TNFRSF25: variants seen among roughly 807,000 people sequenced by gnomAD.
TNFRSF25 encodes TNF receptor superfamily member 25.
In TNFRSF25, 28 loss-of-function variants were observed where a neutral mutation model predicts 49.4. That is an observed-to-expected ratio of 0.57 (90% CI 0.42 to 0.78). The LOEUF (loss-of-function observed/expected upper bound fraction) is 0.78. Ranked by LOEUF, TNFRSF25 falls within the 30% of genes least tolerant of loss-of-function variation. The pLI is 0.00. For synonymous variants in TNFRSF25, 240 were observed against 234.2 expected, an observed-to-expected ratio of 1.02 and a Z score of -0.23; for missense variants, 531 against 581.6, an observed-to-expected ratio of 0.91 and a Z score of 0.90.
chr1:6,464,018 G>T, intron 5 of TNFRSF25: 1 of 739,694 alleles, frequency 1.4e-6, no homozygotes, highest in Non-Finnish European at 1.7e-6. Context: ...AGGCTGAAGT[G>T]CAGTGGCACG....
rs944710666 is a variant in TNFRSF25 at position 6,461,286 on chromosome 1, G to A, written c.*148C>T. ...CTTCGCCTTGGCTGGAGCGATAGGGGCGAGCAGGGGTGGGGCCGGCTGGTG... is the reference window on the plus strand; with the variant it reads ...CTTCGCCTTGGCTGGAGCGATAGGGACGAGCAGGGGTGGGGCCGGCTGGTG... On this transcript the variant is annotated 3_prime_UTR_variant, in exon 10 of 10. Transcript: ENST00000356876. The surrounding 1 kb of genome is among the most constrained non-coding windows in gnomAD (Gnocchi z 6.3). 4.3e-5 allele frequency: 43 copies of A among 1,004,016 alleles called. No homozygotes were observed. The highest frequency in any genetic ancestry group is 4.0e-4 in the Middle Eastern group (2 of 4,972). 62.2% of individuals were successfully genotyped at this position (1,004,016 alleles called of 1,614,324 possible). A position where few individuals can be genotyped will look rare whatever the true frequency, so the allele number is the denominator to read the frequency against.
rs1485033617 is a variant in TNFRSF25 at position 6,465,580 on chromosome 1, G to T, written c.40-20C>A. The T allele has an allele frequency of 1.9e-6, 3 of 1,608,476 alleles. No homozygotes were observed. The highest frequency in any genetic ancestry group is 2.5e-6 in the Non-Finnish European group (3 of 1,177,584). ...GAGCGCCTGGGGGACAGGTGCTGCT[G>T]ACTCTCAGCGCAGCTGCCCACGTGG... On this transcript the variant is annotated intron_variant, in intron 1 of 9. Coordinates refer to ENST00000356876, the MANE Select transcript of TNFRSF25 (RefSeq NM_003790.3).
In TNFRSF25 at chr1:6,462,022, G is replaced by T; in HGVS notation, c.897C>A (p.Ser299=). The T allele has an allele frequency of 1.2e-6, 2 of 1,612,520 alleles. No individual in the cohort carries two copies. The highest frequency in any genetic ancestry group is 1.7e-6 in the Non-Finnish European group (2 of 1,179,644). The change falls in exon 9 of 10, where the codon TCC becomes TCA. Residue 299 remains serine (S), a synonymous_variant. Transcript: ENST00000356876. This position sits in a 1 kb window ranked among gnomAD's most constrained non-coding sequence, Gnocchi z 4.2. ...GAGCTCTGCTGGGCAACTGGTCCCA[G>T]GACCATGTCACCTGCGGGCAGAGCG... ...QEALCPQVTW[S]WDQLPSRALG... is the part of the protein sequence containing the mutation.
chr1:6,462,451 C>T lies in TNFRSF25; in HGVS notation c.744+178G>A. ...GTGTACGAATCTGAACTCCAGCTGA[C>T]TGAGCACCCCTTGAGGGCAGGCACT... is the stretch of plus-strand genomic sequence containing the variant. On this transcript the variant is annotated intron_variant, in intron 8 of 9. Coordinates refer to ENST00000356876, the MANE Select transcript of TNFRSF25 (RefSeq NM_003790.3). The surrounding 1 kb of genome is among the most constrained non-coding windows in gnomAD (Gnocchi z 4.2). 2.8e-6 allele frequency: 4 copies of T among 1,434,092 alleles called. No homozygotes were observed. The highest frequency in any genetic ancestry group is 3.7e-6 in the Non-Finnish European group (4 of 1,082,890). The allele number at this position is 1,434,092 out of a possible 1,614,324, so 88.8% of individuals were successfully genotyped here.
Position 6,463,102 on chromosome 1 carries a change from G to T in TNFRSF25, c.568C>A (p.Arg190Ser), listed in dbSNP as rs1421688107. 1 of 1,551,710 alleles carries T rather than the reference G, an allele frequency of 6.4e-7. No individual in the cohort carries two copies. Among genetic ancestry groups the T allele is most frequent in the African/African-American group, 1.4e-5 (1 of 73,152 alleles). Residue 190 changes from arginine (R) to serine (S), a missense_variant, in exon 6 of 10, where the codon CGC becomes AGC. By Grantham distance (110) the Arg-to-Ser change is moderately radical (BLOSUM62 -1). Coordinates refer to ENST00000356876, the MANE Select transcript of TNFRSF25 (RefSeq NM_003790.3). ...PTSTLGSCPE[R>S]CAAVCGWRQM... ...CTCCAGCCACAGACAGCGGCACAGC[G>T]CTCTGGACAGCTCCCCAGGGTGCTC...
At position 6,465,167 on chromosome 1, in the gene TNFRSF25, C is replaced by T. The variant is rs1644308323; in HGVS notation, c.216G>A (p.Val72=). 1 of 1,613,834 alleles carries T rather than the reference C, an allele frequency of 6.2e-7. No homozygotes were observed. The highest frequency in any genetic ancestry group is 1.3e-5 in the African/African-American group (1 of 75,044). ...AGGCCAAGAAGGTGTCTTGGGGACA[C>T]ACAAGGCAGGTGGAGTTGCCGCAGG... The part of the protein sequence containing the change: ...TEPCGNSTCL[V]CPQDTFLAWE... Residue 72 remains valine (V), a synonymous_variant, in exon 3 of 10, where the codon GTG becomes GTA. Transcript: ENST00000356876.
At chr1:6,466,039 C>T in intron 1 of TNFRSF25, 30 bp downstream of exon 1, 1 of 1,575,344 alleles carries the variant, frequency 6.3e-7, no homozygotes, top group Non-Finnish European at 8.6e-7. Context: ...GGGCTCAAAG[C>T]TGCCCCTAGC....
chr1:6,461,435 C>A lies in TNFRSF25; in HGVS notation c.1253G>T (p.Ter418LeuextTer25). The A allele has an allele frequency of 6.6e-7, 1 of 1,504,566 alleles. No homozygotes were observed. The highest frequency in any genetic ancestry group is 1.3e-5 in the South Asian group (1 of 76,772). The allele number at this position is 1,504,566 out of a possible 1,614,324, so 93.2% of individuals were successfully genotyped here. The change falls in exon 10 of 10, where the codon TGA becomes TTA. Residue 418 changes from the stop codon to leucine (L), a stop_lost. Coordinates refer to ENST00000356876, the MANE Select transcript of TNFRSF25 (RefSeq NM_003790.3). This position sits in a 1 kb window ranked among gnomAD's most constrained non-coding sequence, Gnocchi z 6.3. ...CCTAGGTGGCAAGTGGGCGCCGTGT[C>A]ACGGGCCGCGCTGCAGGCGGCTGCG... Reference protein sequence around the residue: ...DLRSRLQRGP* With the variant: ...DLRSRLQRGPL
chr1:6,464,632 C>T lies in TNFRSF25; in HGVS notation c.383G>A (p.Ser128Asn). 1 of 1,614,064 alleles carries T rather than the reference C, an allele frequency of 6.2e-7. No homozygotes were observed. Among genetic ancestry groups the T allele is most frequent in the Non-Finnish European group, 8.5e-7 (1 of 1,180,012 alleles). The change falls in exon 4 of 10, where the codon AGC becomes AAC. Residue 128 changes from serine (S) to asparagine (N), a missense_variant. Physicochemically the swap from Ser to Asn is conservative, Grantham distance 46. Coordinates refer to ENST00000356876, the MANE Select transcript of TNFRSF25 (RefSeq NM_003790.3). The part of the protein sequence containing the change: ...KPGWFVECQV[S>N]QCVSSSPFYC... ...GAAGGGTGAACTGCTGACACATTGG[C>T]TGACCTGGCACTCCACAAACCAGCC...
At position 6,466,122 on chromosome 1, in the gene TNFRSF25, C is replaced by T. The variant is rs767520512; in HGVS notation, c.-15G>A. 3 of 1,510,608 alleles carry T rather than the reference C, an allele frequency of 2.0e-6. No homozygotes were observed. Among genetic ancestry groups the T allele is most frequent in the Admixed American group, 2.2e-5 (1 of 46,182 alleles). 93.6% of individuals were successfully genotyped at this position (1,510,608 alleles called of 1,614,324 possible). ...CGCTGCTCCATAGCCCTCCGACGGGCGCCCAGGGGCTTCCCGGCTCCGTGC... is the reference window on the plus strand; with the variant it reads ...CGCTGCTCCATAGCCCTCCGACGGGTGCCCAGGGGCTTCCCGGCTCCGTGC... On this transcript the variant is annotated 5_prime_UTR_variant, in exon 1 of 10. Transcript: ENST00000356876.
At chr1:6,463,006 C>T (rs1302734309) in intron 6 of TNFRSF25, 36 bp from the exon 7 acceptor site, 5 of 1,558,370 alleles carry the variant, frequency 3.2e-6, no homozygotes, top group Non-Finnish European at 3.5e-6. Flanking sequence ...TGGTTGCCCC[C>T]CTCCTCACCC....
chr1:6,463,041 C>T, intron 6 of TNFRSF25, 31 bp downstream of exon 6: 8 of 1,552,520 alleles, frequency 5.2e-6, no homozygotes, highest in Non-Finnish European at 7.0e-6. Context: ...CATCCCAGTT[C>T]TCCCACTCGC....
At chr1:6,463,464 T>C (rs2986757) in intron 5 of TNFRSF25, 5,481 of 308,916 alleles carry the variant, frequency 0.018, 53 homozygotes, top group Non-Finnish European at 0.021. Context: ...CGGTGGCTCA[T>C]GCCTGTAATC....
In TNFRSF25 at chr1:6,461,921, CGTT is replaced by C; in HGVS notation, c.925+70_925+72del. ...TCAGTTAGGGGGCAGAAAGGGAACA[CGTT>C]GTGAAACCACAACTTCCCACCGCAG... is the stretch of plus-strand genomic sequence containing the variant. On this transcript the variant is annotated intron_variant, in intron 9 of 9. Transcript: ENST00000356876. The surrounding 1 kb of genome is among the most constrained non-coding windows in gnomAD (Gnocchi z 6.3). 4 of 1,529,758 alleles carry C rather than the reference CGTT, an allele frequency of 2.6e-6. No individual in the cohort carries two copies. The highest frequency in any genetic ancestry group is 3.5e-6 in the Non-Finnish European group (4 of 1,142,158). The allele number at this position is 1,529,758 out of a possible 1,614,324, so 94.8% of individuals were successfully genotyped here.
At position 6,461,922 on chromosome 1, in the gene TNFRSF25, G is replaced by A. The variant is rs1644186866; in HGVS notation, c.925+72C>T. 9 of 1,532,010 alleles carry A rather than the reference G, an allele frequency of 5.9e-6. No individual in the cohort carries two copies. The highest frequency in any genetic ancestry group is 7.9e-6 in the Non-Finnish European group (9 of 1,143,504). The allele number at this position is 1,532,010 out of a possible 1,614,324, so 94.9% of individuals were successfully genotyped here. A position where few individuals can be genotyped will look rare whatever the true frequency, so the allele number is the denominator to read the frequency against. On this transcript the variant is annotated intron_variant, in intron 9 of 9. Transcript: ENST00000356876. This position sits in a 1 kb window ranked among gnomAD's most constrained non-coding sequence, Gnocchi z 6.3. ...CAGTTAGGGGGCAGAAAGGGAACACGTTGTGAAACCACAACTTCCCACCGC... is the reference window on the plus strand; with the variant it reads ...CAGTTAGGGGGCAGAAAGGGAACACATTGTGAAACCACAACTTCCCACCGC...
At position 6,461,787 on chromosome 1, in the gene TNFRSF25, A is replaced by T; in HGVS notation, c.926-25T>A. The T allele has an allele frequency of 6.7e-7, 1 of 1,491,312 alleles. No individual in the cohort carries two copies. Among genetic ancestry groups the T allele is most frequent in the African/African-American group, 1.4e-5 (1 of 72,008 alleles). The allele number at this position is 1,491,312 out of a possible 1,614,324, so 92.4% of individuals were successfully genotyped here. On this transcript the variant is annotated intron_variant, in intron 9 of 9. Coordinates refer to ENST00000356876, the MANE Select transcript of TNFRSF25 (RefSeq NM_003790.3). This position sits in a 1 kb window ranked among gnomAD's most constrained non-coding sequence, Gnocchi z 6.3. ...CCTGGGGCAGGGCCAGAGAGAGCCA[A>T]TTGGGGTACGTGGGCCGCGGTCGGG...
Position 6,462,623 on chromosome 1 carries a change from T to C in TNFRSF25, c.744+6A>G. The C allele has an allele frequency of 1.2e-6, 2 of 1,613,106 alleles. No homozygotes were observed. On this transcript the variant is annotated splice_donor_region_variant and intron_variant, in intron 8 of 9. Transcript: ENST00000356876. The surrounding 1 kb of genome is among the most constrained non-coding windows in gnomAD (Gnocchi z 4.2). Reference sequence around the variant, plus strand: ...GCAGCCCAGAATCACACAGTGAGGTTCTTACCGGTGGTGGGGTCAGAGCCT... The same window carrying C: ...GCAGCCCAGAATCACACAGTGAGGTCCTTACCGGTGGTGGGGTCAGAGCCT...
At chr1:6,463,553 C>G (rs45519445) in intron 5 of TNFRSF25, 1 of 173,804 alleles carries the variant, frequency 5.8e-6, no homozygotes, top group Non-Finnish European at 1.2e-5. Flanking sequence ...GGTGAAACCC[C>G]GTCTCTACTA....
chr1:6,463,377 C>T, intron 5 of TNFRSF25: 1 of 586,094 alleles, frequency 1.7e-6, no homozygotes, highest in Non-Finnish European at 3.0e-6. Context: ...ATTTTGTCCC[C>T]TGTTGCATCC....
Sources: allele counts gnomAD v4.1 joint callset, GRCh38; gene constraint gnomAD v4.1.1; non-coding constraint Gnocchi (gnomAD v3.1); transcripts MANE v1.5; gene names NCBI Gene and HGNC (gene_info 2026-07-23, HGNC 2026-07-21).